The following EVC2 variants were observed in gnomAD, a reference collection of about 807,000 sequenced individuals.
EVC2 encodes the protein limbin.
EVC2 carries 148 observed loss-of-function variants against 149.3 expected under a neutral mutation model. The observed-to-expected ratio is 0.99, with a 90% confidence interval of 0.87 to 1.14. The LOEUF (loss-of-function observed/expected upper bound fraction) is 1.14, where lower values mean the gene tolerates loss of function less well. Among genes scored for constraint, EVC2 ranks in the 50% most tolerant of loss-of-function variants. The pLI, the probability that EVC2 is intolerant of heterozygous loss-of-function variation, is 0.00. For missense variants in EVC2, 1,854 were observed against 1,627.3 expected, an observed-to-expected ratio of 1.14 and a Z score of -2.40; for synonymous variants, 776 against 649.9, an observed-to-expected ratio of 1.19 and a Z score of -2.95.
At chr4:5,565,381 TA>T in intron 20 of EVC2, 22 bp from the exon 21 acceptor site, 1 of 1,611,960 alleles carries the variant, frequency 6.2e-7, no homozygotes, top group Non-Finnish European at 8.5e-7. Flanking sequence ...AAGGGAGTCT[TA>T]TAGTTTCAAA....
intron 16 of EVC2, among the ~76,000 whole-genome samples, chr4:5,594,383 G>A (rs886673538): frequency 4.6e-5 from 7 of 152,180 alleles, no homozygotes; most frequent in Admixed American, 1.3e-4. Context: ...AACTTCCAGA[G>A]GAACGATCAG....
intron 21 of EVC2, chr4:5,543,267 T>C (rs774862971): frequency 2.3e-4 from 281 of 1,202,704 alleles, no homozygotes; most frequent in East Asian, 5.1e-4. Flanking sequence ...CCTACCCACA[T>C]TGTACCATCA....
Position 5,666,285 on chromosome 4 carries a change from A to G in EVC2, c.871-636T>C, listed in dbSNP as rs12645009. Among the ~76,000 whole-genome samples, 970 of 143,856 alleles carry G rather than the reference A, an allele frequency of 6.7e-3. 3 individuals are homozygous for G. Among genetic ancestry groups the G allele is most frequent in the East Asian group, 9.6e-3 (46 of 4,792 alleles). 94.4% of individuals were successfully genotyped at this position (143,856 alleles called of 152,430 possible). ...TGATTATTGTTTATAGGTTAATCCCAGCAACTACAAATTTTAAAAGACAAT... is the reference window on the plus strand; with the variant it reads ...TGATTATTGTTTATAGGTTAATCCCGGCAACTACAAATTTTAAAAGACAAT... On this transcript the variant is annotated intron_variant, in intron 7 of 21. Coordinates refer to ENST00000344408, the MANE Select transcript of EVC2 (RefSeq NM_147127.5).
At chr4:5,667,635 C>G (rs1352202907) in intron 7 of EVC2, among the ~76,000 whole-genome samples, 2 of 152,126 alleles carry the variant, frequency 1.3e-5, no homozygotes, top group Non-Finnish European at 2.9e-5. Flanking sequence ...GAGTAAAGCC[C>G]AAGGAAAACC....
chr4:5,581,103 G>A (rs1711724942), intron 17 of EVC2, among the ~76,000 whole-genome samples: 1 of 152,240 alleles, frequency 6.6e-6, no homozygotes, highest in Admixed American at 6.5e-5. Context: ...TGTACAGCCT[G>A]CAGAATCATG....
At chr4:5,536,525 C>G in the EVC2 span, among the ~76,000 whole-genome samples, 1 of 152,090 alleles carries the variant, frequency 6.6e-6, no homozygotes, top group Non-Finnish European at 1.5e-5. Context: ...TGGCTCACAC[C>G]TGTAATCCTA....
In EVC2 at chr4:5,618,702, C is replaced by G. The variant is rs745507072; in HGVS notation, c.2502-20G>C. 6.4e-7 allele frequency: 1 copy of G among 1,570,388 alleles called. No individual in the cohort carries two copies. Among genetic ancestry groups the G allele is most frequent in the Non-Finnish European group, 8.6e-7 (1 of 1,156,970 alleles). ...AGCTTCCTGGGAGGAAGAACAGAGA[C>G]ACACTCTTAACACAGAGAAAGCCTG... On this transcript the variant is annotated intron_variant, in intron 14 of 21. Coordinates refer to ENST00000344408, the MANE Select transcript of EVC2 (RefSeq NM_147127.5). This position sits in a 1 kb window ranked among gnomAD's most constrained non-coding sequence, Gnocchi z 4.4.
chr4:5,558,995 C>G (rs1352692585), downstream of EVC2, among the ~76,000 whole-genome samples: 1 of 152,048 alleles, frequency 6.6e-6, no homozygotes, highest in African/African-American at 2.4e-5. Flanking sequence ...GAGTTTGAGA[C>G]CAGCCTGGAC....
chr4:5,707,517 G>A (rs66742434), intron 1 of EVC2, among the ~76,000 whole-genome samples: 36,406 of 151,870 alleles, frequency 0.24, 4,412 homozygotes, highest in Non-Finnish European at 0.26. Flanking sequence ...GGACAGGAGT[G>A]GCAGAATGTC....
At chr4:5,601,143 A>G (rs559916514) in intron 16 of EVC2, among the ~76,000 whole-genome samples, 1 of 152,262 alleles carries the variant, frequency 6.6e-6, no homozygotes, top group Non-Finnish European at 1.5e-5. Context: ...CAGCCACCAG[A>G]CTGAAGGCCA....
At chr4:5,700,097 G>A (rs180837420) in intron 1 of EVC2, among the ~76,000 whole-genome samples, 16 of 152,162 alleles carry the variant, frequency 1.1e-4, no homozygotes, top group African/African-American at 3.6e-4. Flanking sequence ...TGGAGATGGC[G>A]CCACTGCACT....
In EVC2 at chr4:5,696,463, A is replaced by G. The variant is rs1043735323; in HGVS notation, c.283+1130T>C. Among the ~76,000 whole-genome samples, 7 of 152,122 alleles carry G rather than the reference A, an allele frequency of 4.6e-5. No individual in the cohort carries two copies. The highest frequency in any genetic ancestry group is 1.4e-4 in the African/African-American group (6 of 41,422). On this transcript the variant is annotated intron_variant, in intron 2 of 21. Coordinates refer to ENST00000344408, the MANE Select transcript of EVC2 (RefSeq NM_147127.5). The surrounding 1 kb of genome is among the most constrained non-coding windows in gnomAD (Gnocchi z 4.1). ...ACAACCCCACCCAGTGGCCCCAGGG[A>G]TAGGTTCAGGGACAGGCCGGGGACC...
rs998851740 is a variant in EVC2 at position 5,614,127 on chromosome 4, C to T, written c.2829+1295G>A. 3.9e-5 allele frequency among the ~76,000 whole-genome samples: 6 copies of T among 152,130 alleles called. No individual in the cohort carries two copies. The highest frequency in any genetic ancestry group is 7.2e-5 in the African/African-American group (3 of 41,426). On this transcript the variant is annotated intron_variant, in intron 16 of 21. Coordinates refer to ENST00000344408, the MANE Select transcript of EVC2 (RefSeq NM_147127.5). The surrounding 1 kb of genome is among the most constrained non-coding windows in gnomAD (Gnocchi z 4.7). ...GGAAGGCAGACAGACACTCAGGCTG[C>T]GGTCACACAGCGTCTACTCTTAAGC... is the stretch of plus-strand genomic sequence containing the variant.
At chr4:5,628,507 G>T in intron 12 of EVC2, 52 bp downstream of exon 12, 1 of 1,593,718 alleles carries the variant, frequency 6.3e-7, no homozygotes, top group Non-Finnish European at 8.6e-7. Context: ...TGTCATAGCA[G>T]CAGAAAACAG....
At chr4:5,685,213 A>G (rs961854843) in intron 6 of EVC2, among the ~76,000 whole-genome samples, 157 bp downstream of exon 6, 2 of 152,204 alleles carry the variant, frequency 1.3e-5, no homozygotes, top group African/African-American at 4.8e-5. Flanking sequence ...AGTTCATGGC[A>G]AGGCGTGTGA....
At chr4:5,592,450 T>C (rs1399225163) in intron 16 of EVC2, among the ~76,000 whole-genome samples, 1 of 152,158 alleles carries the variant, frequency 6.6e-6, no homozygotes, top group African/African-American at 2.4e-5. Context: ...TAGTCAGATG[T>C]GAGCAGGGCA....
chr4:5,537,739 T>C, the EVC2 span, among the ~76,000 whole-genome samples: 2 of 152,024 alleles, frequency 1.3e-5, no homozygotes, highest in Non-Finnish European at 2.9e-5. Flanking sequence ...AATAAATCAA[T>C]TGAACTCAGT....
chr4:5,577,568 GAA>G (rs777601322), intron 17 of EVC2, among the ~76,000 whole-genome samples: 2 of 152,152 alleles, frequency 1.3e-5, no homozygotes, highest in African/African-American at 2.4e-5. Flanking sequence ...ATTTTCTGCA[GAA>G]AGGCCAAAGC....
rs568582474 is a variant in EVC2 at position 5,588,250 on chromosome 4, CG to C, written c.2830-3401del. Among the ~76,000 whole-genome samples the C allele has an allele frequency of 5.5e-3, 842 of 152,220 alleles. 4 individuals are homozygous for C. Among genetic ancestry groups the C allele is most frequent in the Non-Finnish European group, 9.6e-3 (653 of 68,014 alleles). On this transcript the variant is annotated intron_variant, in intron 16 of 21. Transcript: ENST00000344408. ...ACTTGCATTATTTGAAATGAGAAATCGGCTGTCAACCTGCTCTTTGCTTTGT... is the reference window on the plus strand; with the variant it reads ...ACTTGCATTATTTGAAATGAGAAATCGCTGTCAACCTGCTCTTTGCTTTGT...
Sources: allele counts gnomAD v4.1 joint callset (sites outside exome capture counted in the v4.1 genomes callset), GRCh38; gene constraint gnomAD v4.1.1; non-coding constraint Gnocchi (gnomAD v3.1); transcripts MANE v1.5; gene names NCBI Gene and HGNC (gene_info 2026-07-23, HGNC 2026-07-21).